AFF1: variants seen among roughly 807,000 people sequenced by gnomAD.
The protein encoded by AFF1 is ALF transcription elongation factor 1.
Under a neutral mutation model 121.7 loss-of-function variants are expected in AFF1, and 48 were observed. That is an observed-to-expected ratio of 0.39 (90% confidence interval 0.31 to 0.50). The LOEUF is 0.50. Among genes scored for constraint, AFF1 ranks in the 20% least tolerant of loss-of-function variants. The probability of loss-of-function intolerance (pLI) is 0.76; values close to 1 mark genes in which losing one functional copy is unlikely to be tolerated. For missense variants in AFF1, 1,523 were observed against 1,511.7 expected, an observed-to-expected ratio of 1.01 and a Z score of -0.12; for synonymous variants, 613 against 563.0, an observed-to-expected ratio of 1.09 and a Z score of -1.26.
intron 6 of AFF1, 117 bp downstream of exon 6, chr4:87,090,187 A>C: frequency 1.3e-6 from 1 of 771,232 alleles, no homozygotes; most frequent in Non-Finnish European, 2.0e-6. Flanking sequence ...TGAGGTTAAA[A>C]TTATGATTAA....
In AFF1 at chr4:87,047,038, A is replaced by G. The variant is rs538797438; in HGVS notation, c.503A>G (p.Gln168Arg). 6.2e-7 allele frequency: 1 copy of G among 1,614,164 alleles called. No individual in the cohort carries two copies. The highest frequency in any genetic ancestry group is 1.1e-5 in the South Asian group (1 of 91,070). Reference protein sequence around the residue: ...CGPPDSQHLTQDRLGQEGFGS... With the variant: ...CGPPDSQHLTRDRLGQEGFGS... Reference sequence around the variant, plus strand: ...CCACCGGACAGCCAGCACCTGACCCAGGATCGCCTTGGTCAGGAGGGGTTC... The same window carrying G: ...CCACCGGACAGCCAGCACCTGACCCGGGATCGCCTTGGTCAGGAGGGGTTC... The change falls in exon 4 of 21, where the codon CAG (glutamine) becomes CGG (arginine). Residue 168 changes from glutamine to arginine, a missense_variant. By Grantham distance (43) the Gln-to-Arg change is conservative. Transcript: ENST00000395146.
chr4:87,092,280 TCAAA>T (rs1724394103), intron 7 of AFF1, among the ~76,000 whole-genome samples: 1 of 152,136 alleles, frequency 6.6e-6, no homozygotes, highest in African/African-American at 2.4e-5. Flanking sequence ...AGATCCTGTC[TCAAA>T]CAAACAAAAA....
intron 2 of AFF1, among the ~76,000 whole-genome samples, chr4:87,013,032 C>CTTTTTTTTTTTTTTTTTTTT (rs61071328): frequency 2.1e-5 from 2 of 93,490 alleles, no homozygotes; most frequent in African/African-American, 4.3e-5. Flanking sequence ...CTATCAAGTT[C>CTTTTTTTTTTTTTTTTTTTT]TTTTTTTTTT....
chr4:87,127,166 T>TGGGC (rs1553937307), intron 15 of AFF1, 49 bp downstream of exon 15: 3 of 1,084,618 alleles, frequency 2.8e-6, no homozygotes, highest in Non-Finnish European at 2.6e-6. Flanking sequence ...TTGTTTTGCT[T>TGGGC]CCCCCCCCCA....
chr4:87,059,763 CT>C (rs1720539860), intron 4 of AFF1, among the ~76,000 whole-genome samples: 1 of 152,204 alleles, frequency 6.6e-6, no homozygotes, highest in Admixed American at 6.5e-5. Context: ...AGATGACTTT[CT>C]GCTGTGCACC....
chr4:87,127,933 G>GT lies in AFF1; in HGVS notation c.2964+231dup, dbSNP rs1728460663. Among the ~76,000 whole-genome samples the GT allele has an allele frequency of 3.3e-5, 5 of 152,260 alleles. No individual in the cohort carries two copies. The South Asian group carries it at 8.3e-4, about 25-fold the overall frequency. ...AAGGGGTAGGTGGTTCTTAGTGGTG[G>GT]TATTTTCTTTGGCTCCATTGATTCA... On this transcript the variant is annotated intron_variant, in intron 16 of 20. Coordinates refer to ENST00000395146, the MANE Select transcript of AFF1 (RefSeq NM_001166693.3).
intron 2 of AFF1, chr4:86,950,029 G>C (rs1372408643): frequency 6.2e-7 from 1 of 1,614,022 alleles, no homozygotes; most frequent in Non-Finnish European, 8.5e-7. Flanking sequence ...GAGCTCCGTA[G>C]GTAGGGGGAG....
At chr4:87,027,741 A>G (rs982492539) in intron 2 of AFF1, among the ~76,000 whole-genome samples, 1 of 151,898 alleles carries the variant, frequency 6.6e-6, no homozygotes, top group Non-Finnish European at 1.5e-5. Context: ...TCAAAATCCT[A>G]AACATTCCAA....
rs754539931 is a variant in AFF1 at position 87,114,688 on chromosome 4, T to C, written c.1855T>C (p.Ser619Pro). ...ACAACCCAAAAAACCTGTCAAGGCC[T>C]CTGCCCGGGCAGGTTCACGGACCAG... ...TKQPKKPVKA[S>P]ARAGSRTSLQ... The change falls in exon 12 of 21, where the codon TCT (serine) becomes CCT (proline). Residue 619 changes from serine (S) to proline (P), a missense_variant. By Grantham distance (74) the Ser-to-Pro change is moderately conservative (BLOSUM62 -1). This residue lies in a region of AFF1 where 905 missense variants were observed against 842.5 expected (regional missense o/e 1.07). Transcript: ENST00000395146. The C allele has an allele frequency of 5.6e-6, 9 of 1,608,460 alleles. No homozygotes were observed. The highest frequency in any genetic ancestry group is 7.6e-6 in the Non-Finnish European group (9 of 1,179,308).
chr4:87,022,206 C>CAAA (rs11296179), intron 2 of AFF1, among the ~76,000 whole-genome samples: 10 of 76,058 alleles, frequency 1.3e-4, no homozygotes, highest in African/African-American at 3.8e-4. Context: ...GACTCCATCT[C>CAAA]AAAAAAAAAA....
intron 2 of AFF1, among the ~76,000 whole-genome samples, chr4:87,008,846 T>C (rs1726440178): frequency 6.6e-6 from 1 of 152,244 alleles, no homozygotes; most frequent in Non-Finnish European, 1.5e-5. Context: ...TTAAATATTT[T>C]AATAGGTGCT....
chr4:87,016,441 C>T (rs1328707468), intron 2 of AFF1, among the ~76,000 whole-genome samples: 2 of 151,558 alleles, frequency 1.3e-5, no homozygotes, highest in African/African-American at 2.4e-5. Flanking sequence ...GTCCCAGCTA[C>T]TCGGGAGACT....
At position 87,126,392 on chromosome 4, in the gene AFF1, T is replaced by C. The variant is rs1728253372; in HGVS notation, c.2811+56T>C. The C allele has an allele frequency of 2.0e-6, 3 of 1,529,438 alleles. No individual in the cohort carries two copies. In the African/African-American group the frequency reaches 4.1e-5, roughly 21 times the overall value. The allele number at this position is 1,529,438 out of a possible 1,614,324, so 94.7% of individuals were successfully genotyped here. On this transcript the variant is annotated intron_variant, in intron 14 of 20. Transcript: ENST00000395146. ...TGGGATGCATTGCTGTACCTTTACGTTCCCAAAGAAGACAAGTTGCTAGTG... is the reference window on the plus strand; with the variant it reads ...TGGGATGCATTGCTGTACCTTTACGCTCCCAAAGAAGACAAGTTGCTAGTG...
intron 1 of AFF1, among the ~76,000 whole-genome samples, chr4:86,945,300 TCTTC>T (rs1456088798): frequency 6.7e-6 from 1 of 150,332 alleles, no homozygotes; most frequent in Non-Finnish European, 1.5e-5. Context: ...CAAGTTAGTA[TCTTC>T]CTTATTTTCT....
chr4:86,950,068 C>T (rs1301962274), intron 2 of AFF1: 2 of 1,614,102 alleles, frequency 1.2e-6, no homozygotes, highest in Non-Finnish European at 8.5e-7. Context: ...TGTAATAGGC[C>T]ATCCACGCGG....
intron 2 of AFF1, among the ~76,000 whole-genome samples, chr4:86,956,612 A>G (rs1482878464): frequency 6.6e-6 from 1 of 152,186 alleles, no homozygotes; most frequent in East Asian, 1.9e-4. Context: ...TCCCAGCCCC[A>G]GGTAACTATT....
At chr4:87,033,973 T>TGCAGC (rs1348379822) in intron 2 of AFF1, among the ~76,000 whole-genome samples, 1 of 152,170 alleles carries the variant, frequency 6.6e-6, no homozygotes, top group African/African-American at 2.4e-5. Flanking sequence ...GTGACTGACC[T>TGCAGC]GCAGCCACAT....
At chr4:86,980,773 CT>C (rs1437026377) in intron 2 of AFF1, among the ~76,000 whole-genome samples, 8 of 152,282 alleles carry the variant, frequency 5.3e-5, no homozygotes, top group Admixed American at 2.0e-4. Context: ...AGAAGCTAGA[CT>C]TTCCTGAATG....
At chr4:87,135,447 A>AT (rs1044975604) in intron 20 of AFF1, 133 bp from the exon 21 acceptor site, 47 of 955,260 alleles carry the variant, frequency 4.9e-5, no homozygotes, top group Non-Finnish European at 6.2e-5. Flanking sequence ...GTAGATTGTG[A>AT]TTTTTTTGAT....
Sources: gnomAD v4.1 joint callset for allele counts (sites outside exome capture counted in the v4.1 genomes callset) on GRCh38, gnomAD v4.1.1 for gene constraint, gnomAD v4.1.1 regional missense constraint, MANE v1.5 for transcripts, NCBI Gene and HGNC (gene_info 2026-07-23, HGNC 2026-07-21) for gene names.